The following ATP2B4 variants were observed in gnomAD, a reference collection of about 807,000 sequenced individuals.
The protein encoded by ATP2B4 is plasma membrane calcium-transporting ATPase 4.
In ATP2B4, 39 loss-of-function variants were observed where a neutral mutation model predicts 110.3. That is an observed-to-expected ratio of 0.35 (90% CI 0.27 to 0.46). ATP2B4 has a LOEUF of 0.46. Ranked by LOEUF, ATP2B4 falls within the 20% of genes least tolerant of loss-of-function variation. The pLI is 1.00. For missense variants in ATP2B4, 1,135 were observed against 1,530.9 expected (o/e 0.74, Z 4.32); for synonymous variants, 538 against 571.7 (o/e 0.94, Z 0.84).
chr1:203,691,423 G>T (rs1383508148), intron 2 of ATP2B4, among the ~76,000 whole-genome samples: 8 of 152,216 alleles, frequency 5.3e-5, no homozygotes, highest in African/African-American at 1.9e-4. Flanking sequence ...CATTCATGAA[G>T]TACAGAAGGT....
intron 2 of ATP2B4, among the ~76,000 whole-genome samples, chr1:203,686,711 T>TTTTTTTTTTTTTTTTA (rs1337372344): frequency 7.3e-6 from 1 of 136,682 alleles, no homozygotes; most frequent in African/African-American, 2.7e-5. Flanking sequence ...TTTTTTTTTT[T>TTTTTTTTTTTTTTTTA]AGAAGGAGTT....
Position 203,700,203 on chromosome 1 carries a change from T to C in ATP2B4, c.650-3T>C, listed in dbSNP as rs1224694897. 1.2e-5 allele frequency: 19 copies of C among 1,612,478 alleles called. 1 individual carries two copies. Among genetic ancestry groups the C allele is most frequent in the Non-Finnish European group, 1.6e-5 (19 of 1,179,064 alleles). On this transcript the variant is annotated splice_polypyrimidine_tract_variant and splice_region_variant and intron_variant, in intron 4 of 20. Transcript: ENST00000357681. ...CTGTCCCTCCTTCCCCTTTGTGCTC[T>C]AGGTGATCTGCTGCCTGCAGATGGA...
chr1:203,718,700 A>C (rs192936811), intron 15 of ATP2B4, among the ~76,000 whole-genome samples: 26 of 152,286 alleles, frequency 1.7e-4, no homozygotes, highest in Admixed American at 9.2e-4. Flanking sequence ...TTTTATTCTA[A>C]AATATTTCAA....
chr1:203,736,184 G>T (rs1666871923), intron 20 of ATP2B4, among the ~76,000 whole-genome samples: 1 of 152,186 alleles, frequency 6.6e-6, no homozygotes, highest in Non-Finnish European at 1.5e-5. Flanking sequence ...GCAGAAAACT[G>T]CCTGGCGCGG....
In ATP2B4 at chr1:203,740,168, T is replaced by G; in HGVS notation, c.*314T>G. On this transcript the variant is annotated 3_prime_UTR_variant, in exon 21 of 21. Transcript: ENST00000357681. ...CCTCTTGGCATCACCCCACCCCACA[T>G]TCTCCCCGATGTTCCTCTCCTGAAT... 1 of 289,798 alleles carries G rather than the reference T, an allele frequency of 3.5e-6. No individual in the cohort carries two copies. Among genetic ancestry groups the G allele is most frequent in the Non-Finnish European group, 6.5e-6 (1 of 154,378 alleles). 18.0% of individuals were successfully genotyped at this position (289,798 alleles called of 1,614,324 possible).
chr1:203,639,368 A>G (rs1007179724), intron 1 of ATP2B4, among the ~76,000 whole-genome samples: 1 of 152,204 alleles, frequency 6.6e-6, no homozygotes, highest in Non-Finnish European at 1.5e-5. Context: ...TTTGGGAAGA[A>G]GTGGTATCCG....
chr1:203,679,658 G>A (rs1411605865), intron 1 of ATP2B4, among the ~76,000 whole-genome samples: 1 of 152,164 alleles, frequency 6.6e-6, no homozygotes, highest in East Asian at 1.9e-4. Flanking sequence ...GCCGAGGGGG[G>A]TGGATCACAA....
At chr1:203,667,189 C>A (rs540300746) in intron 1 of ATP2B4, among the ~76,000 whole-genome samples, 1 of 152,090 alleles carries the variant, frequency 6.6e-6, no homozygotes, top group Non-Finnish European at 1.5e-5. Flanking sequence ...TGGATTCAAG[C>A]AATCTGCCCA....
intron 15 of ATP2B4, among the ~76,000 whole-genome samples, chr1:203,716,192 G>A (rs1558048780): frequency 6.9e-6 from 1 of 144,938 alleles, no homozygotes; most frequent in Admixed American, 6.9e-5. Flanking sequence ...ATTCATAACA[G>A]TGATGTAGTA....
intron 1 of ATP2B4, among the ~76,000 whole-genome samples, chr1:203,627,824 C>A (rs1024048269): frequency 6.6e-6 from 1 of 152,118 alleles, no homozygotes; most frequent in Non-Finnish European, 1.5e-5. Flanking sequence ...AATTAAATTT[C>A]TTTAGCTTTG....
At chr1:203,628,915 T>C (rs974705556) in intron 1 of ATP2B4, among the ~76,000 whole-genome samples, 4 of 152,010 alleles carry the variant, frequency 2.6e-5, no homozygotes, top group Non-Finnish European at 4.4e-5. Context: ...GGAAGGATGG[T>C]GGCAGCTTGG....
intron 19 of ATP2B4, among the ~76,000 whole-genome samples, chr1:203,726,983 C>T (rs79922030): frequency 0.015 from 2,351 of 152,312 alleles, 65 homozygotes; most frequent in African/African-American, 0.055. Context: ...ATATCACCAT[C>T]TTCTCCCCAA....
chr1:203,628,087 T>C (rs1571654555), intron 1 of ATP2B4, among the ~76,000 whole-genome samples: 1 of 151,798 alleles, frequency 6.6e-6, no homozygotes, highest in Non-Finnish European at 1.5e-5. Context: ...GGCTGGTGAG[T>C]GTTTGGCAGA....
At chr1:203,721,523 C>G in intron 17 of ATP2B4, 113 bp downstream of exon 17, 1 of 1,060,646 alleles carries the variant, frequency 9.4e-7, no homozygotes, top group Admixed American at 2.1e-5. Flanking sequence ...AGCTTCACCT[C>G]CCAGTGCTTG....
At chr1:203,663,364 A>G (rs78250955) in intron 1 of ATP2B4, among the ~76,000 whole-genome samples, 5,431 of 152,104 alleles carry the variant, frequency 0.036, 190 homozygotes, top group East Asian at 0.18. Flanking sequence ...GTACCTCCAC[A>G]ACACACCAGG....
rs915322726 is a variant in ATP2B4 at position 203,724,876 on chromosome 1, T to G, written c.3132+888T>G. ...TTGAATCCAGCTCTCTGTTTTTTTTTTTTTTTTTTTTTTTTTCTGAGACAG... is the reference window on the plus strand; with the variant it reads ...TTGAATCCAGCTCTCTGTTTTTTTTGTTTTTTTTTTTTTTTTCTGAGACAG... On this transcript the variant is annotated intron_variant, in intron 19 of 20. Coordinates refer to ENST00000357681, the MANE Select transcript of ATP2B4 (RefSeq NM_001684.5). Among the ~76,000 whole-genome samples the G allele has an allele frequency of 8.4e-5, 12 of 142,322 alleles. 1 individual carries two copies. The highest frequency in any genetic ancestry group is 7.2e-4 in the South Asian group (3 of 4,140). 93.4% of individuals were successfully genotyped at this position (142,322 alleles called of 152,430 possible).
chr1:203,670,977 A>C (rs2102344432), intron 1 of ATP2B4, among the ~76,000 whole-genome samples: 1 of 152,272 alleles, frequency 6.6e-6, no homozygotes, highest in East Asian at 1.9e-4. Context: ...AGTCTATGCA[A>C]TTTGCTGTTT....
rs534053731 is a variant in ATP2B4 at position 203,670,077 on chromosome 1, G to C, written c.-464-12665G>C. On this transcript the variant is annotated intron_variant, in intron 1 of 20. Transcript: ENST00000357681. ...TCTTTCTAGTCCATGAGTTTTGGAA[G>C]CTCACTCTACCTTGGGACACTGAAA... Among the ~76,000 whole-genome samples, 2 of 152,282 alleles carry C rather than the reference G, an allele frequency of 1.3e-5. 1 individual carries two copies. Among genetic ancestry groups the C allele is most frequent in the South Asian group, 4.1e-4 (2 of 4,820 alleles).
At position 203,655,932 on chromosome 1, in the gene ATP2B4, T is replaced by TCTTG. The variant is rs548957297; in HGVS notation, c.-464-26807_-464-26804dup. 7.2e-4 allele frequency among the ~76,000 whole-genome samples: 109 copies of TCTTG among 152,176 alleles called. No individual in the cohort carries two copies. In the South Asian group the frequency reaches 0.02, roughly 28 times the overall value. On this transcript the variant is annotated intron_variant, in intron 1 of 20. Coordinates refer to ENST00000357681, the MANE Select transcript of ATP2B4 (RefSeq NM_001684.5). ...GTTTTGTTTTGTTTCTGAGACGGAG[T>TCTTG]CTTGCTCTGTTGCCCAGGCTGGAGT...
Sources: gnomAD v4.1 joint callset for allele counts (sites outside exome capture counted in the v4.1 genomes callset) on GRCh38, gnomAD v4.1.1 for gene constraint, MANE v1.5 for transcripts, NCBI Gene and HGNC (gene_info 2026-07-23, HGNC 2026-07-21) for gene names.